The following RIT2 variants were observed in gnomAD, a reference collection of about 807,000 sequenced individuals.
RIT2 encodes GTP-binding protein Rit2.
RIT2 carries 24 observed loss-of-function variants against 23.7 expected under a neutral mutation model. The observed-to-expected ratio is 1.01, with a 90% confidence interval of 0.73 to 1.43. The LOEUF is 1.43. Ranked by LOEUF, RIT2 falls within the 40% of genes most tolerant of loss-of-function variation. The pLI is 0.00. For synonymous variants in RIT2, 107 were observed against 91.1 expected, an observed-to-expected ratio of 1.17 and a Z score of -0.99; for missense variants, 236 against 266.9, an observed-to-expected ratio of 0.88 and a Z score of 0.81.
At chr18:43,059,494 T>C (rs1030147284) in intron 1 of RIT2, among the ~76,000 whole-genome samples, 1 of 152,100 alleles carries the variant, frequency 6.6e-6, no homozygotes, top group Non-Finnish European at 1.5e-5. Context: ...ATTGGACTAG[T>C]ATAGCATAAT....
At chr18:43,057,737 A>G (rs1456337984) in intron 1 of RIT2, among the ~76,000 whole-genome samples, 1 of 149,898 alleles carries the variant, frequency 6.7e-6, no homozygotes, top group Non-Finnish European at 1.5e-5. Context: ...TCAAATAATT[A>G]TGGGGCAGCA....
At chr18:43,071,388 C>T (rs770769510) in intron 1 of RIT2, among the ~76,000 whole-genome samples, 1 of 151,996 alleles carries the variant, frequency 6.6e-6, no homozygotes, top group Non-Finnish European at 1.5e-5. Context: ...TGGCGGGGGG[C>T]GAGGATGTGA....
chr18:42,943,108 G>C (rs534017955), intron 3 of RIT2, among the ~76,000 whole-genome samples: 1 of 152,058 alleles, frequency 6.6e-6, no homozygotes, highest in Non-Finnish European at 1.5e-5. Flanking sequence ...AAGGGGACCC[G>C]AACAGGTTGC....
intron 4 of RIT2, among the ~76,000 whole-genome samples, chr18:42,909,278 G>A (rs1908705110): frequency 6.6e-5 from 10 of 152,114 alleles, no homozygotes; most frequent in Admixed American, 6.6e-4. Flanking sequence ...CTATGAGGAT[G>A]CAAAGGCATA....
chr18:42,934,285 G>A (rs1485375119), intron 3 of RIT2, among the ~76,000 whole-genome samples: 1 of 152,108 alleles, frequency 6.6e-6, no homozygotes, highest in Non-Finnish European at 1.5e-5. Context: ...TTAGACTCAG[G>A]TGAGCTGTTC....
intron 1 of RIT2, among the ~76,000 whole-genome samples, chr18:43,090,568 A>G (rs1282706053): frequency 6.6e-6 from 1 of 152,126 alleles, no homozygotes; most frequent in African/African-American, 2.4e-5. Context: ...ACACATGCAC[A>G]TGTATGTTCC....
At chr18:42,810,045 T>C (rs989873683) in intron 4 of RIT2, among the ~76,000 whole-genome samples, 2 of 146,220 alleles carry the variant, frequency 1.4e-5, no homozygotes, top group Admixed American at 6.9e-5. Flanking sequence ...ATAAGTTACA[T>C]ATGTTATATA....
At chr18:42,746,256 A>C (rs945437348) in intron 4 of RIT2, among the ~76,000 whole-genome samples, 2 of 152,144 alleles carry the variant, frequency 1.3e-5, no homozygotes, top group Non-Finnish European at 2.9e-5. Flanking sequence ...GAAGCATGGC[A>C]AGAGTGGAGA....
At chr18:42,880,471 G>A (rs956520924) in intron 4 of RIT2, among the ~76,000 whole-genome samples, 13 of 152,250 alleles carry the variant, frequency 8.5e-5, no homozygotes, top group African/African-American at 3.1e-4. Flanking sequence ...GTCTGTTACT[G>A]TTGAAACTTT....
intron 4 of RIT2, among the ~76,000 whole-genome samples, chr18:42,846,707 T>C (rs1906918882): frequency 2.6e-5 from 4 of 152,216 alleles, no homozygotes; most frequent in Admixed American, 2.0e-4. Flanking sequence ...TATCAATAGA[T>C]GCAAAATACT....
chr18:42,788,746 C>A (rs1913976474), intron 4 of RIT2, among the ~76,000 whole-genome samples: 2 of 152,052 alleles, frequency 1.3e-5, no homozygotes, highest in South Asian at 4.1e-4. Context: ...TAATTCATTC[C>A]TTTCTGAGGC....
intron 4 of RIT2, among the ~76,000 whole-genome samples, chr18:42,816,597 C>T (rs891108139): frequency 6.6e-6 from 1 of 152,096 alleles, no homozygotes; most frequent in Non-Finnish European, 1.5e-5. Flanking sequence ...GCTTACATAA[C>T]ATTGTTCCCA....
At chr18:42,793,499 T>C (rs1287313621) in intron 4 of RIT2, among the ~76,000 whole-genome samples, 1 of 152,196 alleles carries the variant, frequency 6.6e-6, no homozygotes, top group Non-Finnish European at 1.5e-5. Context: ...TGTTCTTGTT[T>C]AAGGAAAAGG....
At chr18:43,095,927 T>G (rs80143761) in intron 1 of RIT2, among the ~76,000 whole-genome samples, 190 of 152,092 alleles carry the variant, frequency 1.2e-3, no homozygotes, top group African/African-American at 4.4e-3. Context: ...AGCTCGCTAC[T>G]GAAAGATCCT....
At chr18:42,988,267 AAG>A (rs1910759723) in intron 2 of RIT2, among the ~76,000 whole-genome samples, 1 of 152,216 alleles carries the variant, frequency 6.6e-6, no homozygotes, top group Non-Finnish European at 1.5e-5. Flanking sequence ...ATTGTAAGAA[AAG>A]AGAAAATATT....
At chr18:43,096,269 C>A (rs536377149) in intron 1 of RIT2, among the ~76,000 whole-genome samples, 1 of 151,952 alleles carries the variant, frequency 6.6e-6, no homozygotes, top group East Asian at 1.9e-4. Flanking sequence ...TAAAATTTTG[C>A]CTATCTGAAT....
intron 4 of RIT2, among the ~76,000 whole-genome samples, chr18:42,849,860 G>C (rs1351643314): frequency 6.6e-6 from 1 of 152,068 alleles, no homozygotes; most frequent in Non-Finnish European, 1.5e-5. Flanking sequence ...GTCAATAAGA[G>C]CTGTCTGACA....
chr18:43,027,853 G>A (rs973418194), intron 2 of RIT2, among the ~76,000 whole-genome samples: 1 of 152,044 alleles, frequency 6.6e-6, no homozygotes, highest in African/African-American at 2.4e-5. Flanking sequence ...TTACCACATC[G>A]AATGAGAGAG....
chr18:43,105,148 G>T (rs1913782884), intron 1 of RIT2, among the ~76,000 whole-genome samples: 1 of 151,456 alleles, frequency 6.6e-6, no homozygotes, highest in Admixed American at 6.6e-5. Context: ...GTGTGTGTGT[G>T]TGTTTGTGTG....
Sources: gnomAD v4.1 joint callset for allele counts (sites outside exome capture counted in the v4.1 genomes callset) on GRCh38, gnomAD v4.1.1 for gene constraint, MANE v1.5 for transcripts, NCBI Gene and HGNC (gene_info 2026-07-23, HGNC 2026-07-21) for gene names.